Variants in VAV3 observed in about 807,000 individuals in gnomAD.
VAV3 encodes vav guanine nucleotide exchange factor 3.
In VAV3, 94 loss-of-function variants were observed where a neutral mutation model predicts 131.2. The observed-to-expected ratio is 0.72, with a 90% CI of 0.61 to 0.85. The LOEUF is 0.85. Ranked by LOEUF, VAV3 falls within the 40% of genes least tolerant of loss-of-function variation. VAV3 has a pLI of 0.00. For missense variants in VAV3, 939 were observed against 1,002.7 expected, an observed-to-expected ratio of 0.94 and a Z score of 0.86; for synonymous variants, 349 against 342.0, an observed-to-expected ratio of 1.02 and a Z score of -0.22.
chr1:107,785,829 AATTCTAAACCAG>A (rs1269155350), intron 2 of VAV3, among the ~76,000 whole-genome samples: 4 of 152,228 alleles, frequency 2.6e-5, no homozygotes, highest in Non-Finnish European at 4.4e-5. Flanking sequence ...AATTAGGTCT[AATTCTAAACCAG>A]ACCAGATGGT....
intron 15 of VAV3, among the ~76,000 whole-genome samples, chr1:107,741,801 C>T (rs1663038736): frequency 6.6e-6 from 1 of 152,092 alleles, no homozygotes; most frequent in Non-Finnish European, 1.5e-5. Context: ...AAGGAGGCCC[C>T]AAATACCATA....
intron 15 of VAV3, among the ~76,000 whole-genome samples, chr1:107,714,807 T>C (rs2101893605): frequency 6.6e-6 from 1 of 152,262 alleles, no homozygotes; most frequent in African/African-American, 2.4e-5. Context: ...TCCAGGGAAA[T>C]GAATAAATAC....
At position 107,683,487 on chromosome 1, in the gene VAV3, C is replaced by A. The variant is rs1570747724; in HGVS notation, c.1777+1G>T. 1 of 1,613,996 alleles carries A rather than the reference C, an allele frequency of 6.2e-7. No individual in the cohort carries two copies. The highest frequency in any genetic ancestry group is 2.2e-5 in the East Asian group (1 of 44,866). On this transcript the variant is annotated splice_donor_variant, in intron 19 of 26. Transcript: ENST00000370056. LOFTEE classifies it high-confidence loss of function. Reference sequence around the variant, plus strand: ...TATGGAAGGTTTAATCAGAAACACACCTGGATCCACCTGTTTAGGAGTTCT... The same window carrying A: ...TATGGAAGGTTTAATCAGAAACACAACTGGATCCACCTGTTTAGGAGTTCT...
chr1:107,729,471 AC>A (rs1662085220), intron 15 of VAV3, among the ~76,000 whole-genome samples: 1 of 152,208 alleles, frequency 6.6e-6, no homozygotes, highest in African/African-American at 2.4e-5. Flanking sequence ...TTAAAAAAAA[AC>A]ATGAGTTTTA....
intron 2 of VAV3, among the ~76,000 whole-genome samples, chr1:107,800,664 T>A (rs561829127): frequency 6.6e-6 from 1 of 152,144 alleles, no homozygotes; most frequent in Non-Finnish European, 1.5e-5. Flanking sequence ...ATTTACCTAT[T>A]TTTTAAATCA....
intron 19 of VAV3, among the ~76,000 whole-genome samples, chr1:107,664,131 T>G (rs1396671329): frequency 6.6e-6 from 1 of 152,158 alleles, no homozygotes; most frequent in Non-Finnish European, 1.5e-5. Flanking sequence ...TTACATAATG[T>G]TTTCTAAATT....
chr1:107,852,995 G>A (rs532243066), intron 2 of VAV3, among the ~76,000 whole-genome samples: 1 of 151,814 alleles, frequency 6.6e-6, no homozygotes, highest in African/African-American at 2.4e-5. Flanking sequence ...AAGGCTTGTA[G>A]GTTTTTTTTT....
Position 107,617,594 on chromosome 1 carries a change from T to A in VAV3, c.1953A>T (p.Pro651=). The A allele has an allele frequency of 6.2e-7, 1 of 1,612,990 alleles. No individual in the cohort carries two copies. Among genetic ancestry groups the A allele is most frequent in the South Asian group, 1.1e-5 (1 of 90,916 alleles). The change falls in exon 21 of 27, where the codon CCA becomes CCT. Residue 651 remains proline (P), a synonymous_variant. Coordinates refer to ENST00000370056, the MANE Select transcript of VAV3 (RefSeq NM_006113.5). ...NLASGEVGFF[P]SDAVKPCPCV... ...ATGGGCAAGGCTTGACTGCATCACTTGGAAAAAATCCAACCTCTCCAGATG... is the reference window on the plus strand; with the variant it reads ...ATGGGCAAGGCTTGACTGCATCACTAGGAAAAAATCCAACCTCTCCAGATG...
At chr1:107,736,481 CCTT>C (rs745649589) in intron 15 of VAV3, among the ~76,000 whole-genome samples, 5 of 152,152 alleles carry the variant, frequency 3.3e-5, no homozygotes, top group Non-Finnish European at 7.4e-5. Flanking sequence ...CCCAAAATCT[CCTT>C]AAGATGATAA....
At chr1:107,811,580 AT>A (rs1667319866) in intron 2 of VAV3, among the ~76,000 whole-genome samples, 1 of 152,188 alleles carries the variant, frequency 6.6e-6, no homozygotes, top group African/African-American at 2.4e-5. Flanking sequence ...GTTATTAAAA[AT>A]TTTTCAAAAG....
intron 1 of VAV3, among the ~76,000 whole-genome samples, chr1:107,956,844 T>C (rs969033206): frequency 2.0e-5 from 3 of 152,044 alleles, no homozygotes; most frequent in African/African-American, 7.2e-5. Flanking sequence ...AAGTAACAAG[T>C]TGAATTTTAC....
chr1:107,582,683 A>G (rs868167500), intron 25 of VAV3, among the ~76,000 whole-genome samples: 1 of 151,150 alleles, frequency 6.6e-6, no homozygotes, highest in African/African-American at 2.4e-5. Context: ...TGTTCTCGCG[A>G]TAGTTTACTG....
At chr1:107,874,707 T>G (rs1670405495) in intron 2 of VAV3, among the ~76,000 whole-genome samples, 194 bp downstream of exon 2, 1 of 136,088 alleles carries the variant, frequency 7.3e-6, no homozygotes, top group African/African-American at 2.9e-5. Flanking sequence ...TTGGTGTTGT[T>G]GTTGTATGTG....
At chr1:107,673,943 A>C (rs1262604620) in intron 19 of VAV3, among the ~76,000 whole-genome samples, 1 of 152,168 alleles carries the variant, frequency 6.6e-6, no homozygotes, top group Non-Finnish European at 1.5e-5. Flanking sequence ...AAAATGCAAA[A>C]CTCTAGCAAA....
intron 15 of VAV3, among the ~76,000 whole-genome samples, chr1:107,727,733 C>T (rs952271121): frequency 6.6e-5 from 10 of 152,118 alleles, no homozygotes; most frequent in Admixed American, 5.2e-4. Context: ...CACATTTAGA[C>T]TTGTGTCAAT....
In VAV3 at chr1:107,757,395, A is replaced by G. The variant is rs1664171655; in HGVS notation, c.1018-66T>C. 2.3e-6 allele frequency: 3 copies of G among 1,288,740 alleles called. No homozygotes were observed. In the African/African-American group the frequency reaches 4.5e-5, roughly 19 times the overall value. The allele number at this position is 1,288,740 out of a possible 1,614,324, so 79.8% of individuals were successfully genotyped here. ...AAAACTAAGACATACTAAAGAAAACATTTTTACAAATAAACCATTATTATT... is the reference window on the plus strand; with the variant it reads ...AAAACTAAGACATACTAAAGAAAACGTTTTTACAAATAAACCATTATTATT... On this transcript the variant is annotated intron_variant, in intron 10 of 26. Coordinates refer to ENST00000370056, the MANE Select transcript of VAV3 (RefSeq NM_006113.5).
At chr1:107,792,214 A>C (rs1666323781) in intron 2 of VAV3, among the ~76,000 whole-genome samples, 1 of 152,214 alleles carries the variant, frequency 6.6e-6, no homozygotes, top group Non-Finnish European at 1.5e-5. Flanking sequence ...TGCTAAAGCA[A>C]GTGTTGAGTA....
intron 15 of VAV3, among the ~76,000 whole-genome samples, chr1:107,705,369 A>C (rs1315695514): frequency 1.3e-5 from 2 of 151,488 alleles, no homozygotes; most frequent in Non-Finnish European, 2.9e-5. Flanking sequence ...AAAAAAAAAA[A>C]AACCCACTGG....
At chr1:107,601,741 A>G (rs2878515) in intron 24 of VAV3, among the ~76,000 whole-genome samples, 54,516 of 152,080 alleles carry the variant, frequency 0.36, 10,114 homozygotes, top group Middle Eastern at 0.42. Context: ...TACACAAAAT[A>G]TTCTTATATG....
Sources: allele counts gnomAD v4.1 joint callset (sites outside exome capture counted in the v4.1 genomes callset), GRCh38; gene constraint gnomAD v4.1.1; transcripts MANE v1.5; gene names NCBI Gene and HGNC (gene_info 2026-07-23, HGNC 2026-07-21).